The following SORCS2 variants were observed in gnomAD, a reference collection of about 807,000 sequenced individuals.
SORCS2 encodes VPS10 domain-containing receptor SorCS2.
Under a neutral mutation model 141.6 loss-of-function variants are expected in SORCS2, and 100 were observed. The observed-to-expected ratio is 0.71, with a 90% CI of 0.60 to 0.83. The LOEUF is 0.83. Ranked by LOEUF, SORCS2 falls within the 40% of genes least tolerant of loss-of-function variation. The pLI is 0.00. For synonymous variants in SORCS2, 789 were observed against 676.9 expected (o/e 1.17, Z -2.57); for missense variants, 1,646 against 1,560.2 (o/e 1.05, Z -0.93).
Position 7,737,129 on chromosome 4 carries a change from C to T in SORCS2, c.3372C>T (p.Thr1124=), listed in dbSNP as rs545276852. The T allele has an allele frequency of 9.0e-6, 14 of 1,551,432 alleles. No homozygotes were observed. In the East Asian group the frequency reaches 3.4e-4, roughly 38 times the overall value. The change falls in exon 26 of 27, where the codon ACC becomes ACT. Residue 1124 remains threonine, a synonymous_variant. Coordinates refer to ENST00000507866, the MANE Select transcript of SORCS2 (RefSeq NM_020777.3). ...QMHNEKEQEM[T]SPVSHSEDVQ... ...ACAACGAGAAGGAGCAGGAGATGAC[C>T]AGCCCTGTGAGTCACAGTGAGGACG...
chr4:7,543,982 GTCCATCCATCCACTCATCCA>G (rs1713030504), intron 3 of SORCS2, among the ~76,000 whole-genome samples: 2 of 20,188 alleles, frequency 9.9e-5, no homozygotes, highest in Non-Finnish European at 9.5e-5. Flanking sequence ...CCACCCATCC[GTCCATCCATCCACTCATCCA>G]TCCATCCATC....
intron 3 of SORCS2, among the ~76,000 whole-genome samples, chr4:7,604,551 G>T (rs375377967): frequency 1.6e-4 from 25 of 152,114 alleles, no homozygotes; most frequent in South Asian, 4.1e-4. Flanking sequence ...TCCCCGCCTC[G>T]GCCTCCCAAA....
At chr4:7,580,842 G>A (rs1448563773) in intron 3 of SORCS2, among the ~76,000 whole-genome samples, 11 of 152,148 alleles carry the variant, frequency 7.2e-5, no homozygotes, top group Admixed American at 4.6e-4. Flanking sequence ...TTTAGGGGGT[G>A]AAAATCAATG....
At chr4:7,249,703 G>A (rs1713350493) in intron 1 of SORCS2, among the ~76,000 whole-genome samples, 1 of 152,190 alleles carries the variant, frequency 6.6e-6, no homozygotes, top group Non-Finnish European at 1.5e-5. Flanking sequence ...GAAGTAACTT[G>A]CTCAAGCCCT....
At chr4:7,684,652 C>T (rs1238272250) in intron 10 of SORCS2, among the ~76,000 whole-genome samples, 1 of 152,180 alleles carries the variant, frequency 6.6e-6, no homozygotes, top group African/African-American at 2.4e-5. Flanking sequence ...CAAAAGTACC[C>T]GTTTGACAGG....
At chr4:7,280,704 G>A (rs188553283) in intron 1 of SORCS2, among the ~76,000 whole-genome samples, 9 of 152,242 alleles carry the variant, frequency 5.9e-5, no homozygotes, top group South Asian at 4.2e-4. Context: ...CCGCATCCTC[G>A]CCAGCATTTT....
chr4:7,403,961 GTATATATATATATATA>G (rs71635960), intron 2 of SORCS2, among the ~76,000 whole-genome samples: 7 of 29,900 alleles, frequency 2.3e-4, no homozygotes, highest in South Asian at 7.1e-4. Flanking sequence ...CTCCATGTGT[GTATATATATATATATA>G]TATATATATA....
intron 2 of SORCS2, among the ~76,000 whole-genome samples, chr4:7,442,567 G>A (rs1208657672): frequency 3.7e-5 from 3 of 81,764 alleles, no homozygotes; most frequent in Admixed American, 1.3e-4. Context: ...AGCCCAGGTC[G>A]TCATCCACCT....
At position 7,642,623 on chromosome 4, in the gene SORCS2, C is replaced by G. The variant is rs562465481; in HGVS notation, c.813+4131C>G. ...AACGTCAGCTTTGACTCCAACAAAT[C>G]TGGTGTATTAGGCAGGTATCTGCAA... On this transcript the variant is annotated intron_variant, in intron 4 of 26. Coordinates refer to ENST00000507866, the MANE Select transcript of SORCS2 (RefSeq NM_020777.3). 2.6e-5 allele frequency among the ~76,000 whole-genome samples: 4 copies of G among 152,312 alleles called. 1 individual carries two copies. The East Asian group carries it at 7.7e-4, about 29-fold the overall frequency.
intron 3 of SORCS2, among the ~76,000 whole-genome samples, chr4:7,595,363 G>A (rs373075103): frequency 2.6e-5 from 4 of 152,080 alleles, no homozygotes; most frequent in Admixed American, 1.3e-4. Context: ...GCTTCATTAC[G>A]TAGGCACGGT....
At chr4:7,603,558 C>A (rs1429907871) in intron 3 of SORCS2, among the ~76,000 whole-genome samples, 3 of 152,138 alleles carry the variant, frequency 2.0e-5, no homozygotes, top group Non-Finnish European at 4.4e-5. Flanking sequence ...ATTTTAAAGT[C>A]TTTGGTTCCT....
chr4:7,493,517 T>C (rs4330351), intron 2 of SORCS2, among the ~76,000 whole-genome samples: 147,780 of 152,252 alleles, frequency 0.97, 71,837 homozygotes, highest in East Asian at 1. Context: ...GTTGGATCTG[T>C]TGGTGGTCGT....
At chr4:7,270,381 C>G (rs1418110621) in intron 1 of SORCS2, among the ~76,000 whole-genome samples, 1 of 152,256 alleles carries the variant, frequency 6.6e-6, no homozygotes, top group Non-Finnish European at 1.5e-5. Flanking sequence ...CTGCGCTGGT[C>G]CTGTCTAAAC....
intron 4 of SORCS2, among the ~76,000 whole-genome samples, chr4:7,639,310 T>G (rs138885101): frequency 2.5e-3 from 378 of 152,334 alleles, no homozygotes; most frequent in African/African-American, 8.5e-3. Context: ...ACCCTGCCTC[T>G]CTCAGCTGCT....
At chr4:7,508,350 CTTTTTTT>C in intron 2 of SORCS2, among the ~76,000 whole-genome samples, 1 of 69,734 alleles carries the variant, frequency 1.4e-5, no homozygotes, top group African/African-American at 4.7e-5. Context: ...AGATCTCAGG[CTTTTTTT>C]TTTTTTTTTT....
At chr4:7,368,968 A>G (rs998340411) in intron 1 of SORCS2, among the ~76,000 whole-genome samples, 1 of 152,140 alleles carries the variant, frequency 6.6e-6, no homozygotes, top group Non-Finnish European at 1.5e-5. Context: ...GCTTTCCGCC[A>G]TCATGGTGAG....
chr4:7,609,705 G>A (rs6831764), intron 3 of SORCS2, among the ~76,000 whole-genome samples: 7,230 of 152,306 alleles, frequency 0.047, 227 homozygotes, highest in African/African-American at 0.061. Context: ...TCCAGAGAGC[G>A]GCTCAGGAAC....
chr4:7,523,579 G>C (rs995751437), intron 2 of SORCS2, among the ~76,000 whole-genome samples: 9 of 151,922 alleles, frequency 5.9e-5, no homozygotes, highest in African/African-American at 2.2e-4. Context: ...TGTCTGATAT[G>C]GGGTGGTGGC....
intron 1 of SORCS2, among the ~76,000 whole-genome samples, chr4:7,253,205 G>A (rs953143961): frequency 1.3e-5 from 2 of 152,202 alleles, no homozygotes; most frequent in Non-Finnish European, 2.9e-5. Flanking sequence ...CGCCATCCCT[G>A]TCTCAGACTC....
Sources: gnomAD v4.1 joint callset for allele counts (sites outside exome capture counted in the v4.1 genomes callset) on GRCh38, gnomAD v4.1.1 for gene constraint, MANE v1.5 for transcripts, NCBI Gene and HGNC (gene_info 2026-07-23, HGNC 2026-07-21) for gene names.